OC90: variants seen among roughly 807,000 people sequenced by gnomAD.
OC90 encodes otoconin-90.
Under a neutral mutation model 47.3 loss-of-function variants are expected in OC90, and 46 were observed. The ratio of observed to expected loss-of-function variants is 0.97; its 90% CI spans 0.77 to 1.24. The LOEUF is 1.24. Ranked by LOEUF, OC90 falls within the 50% of genes most tolerant of loss-of-function variation. OC90 has a pLI of 0.00. For missense variants in OC90, 688 were observed against 583.9 expected (o/e 1.18, Z -1.84); for synonymous variants, 271 against 219.5 (o/e 1.23, Z -2.07).
chr8:132,044,780 A>G (rs1823108658), intron 3 of OC90, among the ~76,000 whole-genome samples: 1 of 152,204 alleles, frequency 6.6e-6, no homozygotes, highest in Admixed American at 6.5e-5. Flanking sequence ...CTGGTAGGAA[A>G]TCATCATCTT....
In OC90 at chr8:132,034,776, C is replaced by T; in HGVS notation, c.733+5G>A. 8 of 1,606,060 alleles carry T rather than the reference C, an allele frequency of 5.0e-6. No homozygotes were observed. The highest frequency in any genetic ancestry group is 6.8e-6 in the Non-Finnish European group (8 of 1,173,598). On this transcript the variant is annotated splice_donor_5th_base_variant and intron_variant, in intron 10 of 13. Transcript: ENST00000254627. ...ACATAGGCAGGTGGAGCCCAGTAGG[C>T]TTACCTGGAGGGGACGTAGCCCTAG...
At position 132,038,821 on chromosome 8, in the gene OC90, G is replaced by T. The variant is rs374731958; in HGVS notation, c.597C>A (p.Ile199=). 51 of 1,613,768 alleles carry T rather than the reference G, an allele frequency of 3.2e-5. No homozygotes were observed. The highest frequency in any genetic ancestry group is 4.2e-5 in the Non-Finnish European group (50 of 1,179,834). Residue 199 remains isoleucine, a synonymous_variant, in exon 8 of 14, where the codon ATC becomes ATA. Coordinates refer to ENST00000254627, the MANE Select transcript of OC90 (RefSeq NM_001080399.3). ...GCAGAAGTGTTGTCAAGTCTTCCTT[G>T]ATGGTTGTCTCTGAAAAGAAAACAC... The part of the protein sequence containing the change: ...FCLAQTPETT[I]KEDLTTLLPR...
chr8:132,029,843 A>G (rs149216811), intron 12 of OC90, among the ~76,000 whole-genome samples: 1 of 152,252 alleles, frequency 6.6e-6, no homozygotes, highest in Non-Finnish European at 1.5e-5. Flanking sequence ...TAAGAAACTT[A>G]TGATGACTTC....
In OC90 at chr8:132,024,403, G is replaced by A. The variant is rs1822722413; in HGVS notation, c.*78C>T. 2 of 1,180,622 alleles carry A rather than the reference G, an allele frequency of 1.7e-6. No individual in the cohort carries two copies. The highest frequency in any genetic ancestry group is 1.6e-5 in the South Asian group (1 of 63,718). The allele number at this position is 1,180,622 out of a possible 1,614,324, so 73.1% of individuals were successfully genotyped here. A position where few individuals can be genotyped will look rare whatever the true frequency, so the allele number is the denominator to read the frequency against. ...GAAGGGAAGAAGGCTCCAAGGGACA[G>A]AGGAGGCTGAGAGATAAAGAGCTGA... On this transcript the variant is annotated 3_prime_UTR_variant, in exon 14 of 14. Transcript: ENST00000254627.
chr8:132,033,284 T>G, intron 10 of OC90, 120 bp from the exon 11 acceptor site: 1 of 1,015,036 alleles, frequency 9.9e-7, no homozygotes, highest in Non-Finnish European at 1.5e-6. Flanking sequence ...AGAATGTTCC[T>G]CAAACTGGGT....
intron 6 of OC90, among the ~76,000 whole-genome samples, chr8:132,040,010 G>A (rs1364051038): frequency 1.3e-5 from 2 of 152,216 alleles, no homozygotes; most frequent in Admixed American, 6.5e-5. Flanking sequence ...GGACATTCCA[G>A]AAGGTCAGGC....
intron 13 of OC90, among the ~76,000 whole-genome samples, chr8:132,028,488 G>A (rs1822795307): frequency 2.0e-5 from 3 of 148,466 alleles, no homozygotes; most frequent in South Asian, 4.3e-4. Context: ...GTGGCCGAGT[G>A]AAACACCATC....
chr8:132,039,654 G>A (rs1823025044), intron 6 of OC90, among the ~76,000 whole-genome samples: 1 of 151,954 alleles, frequency 6.6e-6, no homozygotes, highest in African/African-American at 2.4e-5. Context: ...TCCTTCTCAG[G>A]CCACATCCTC....
chr8:132,032,078 G>C lies in OC90; in HGVS notation c.860-26C>G, dbSNP rs748933640. The C allele has an allele frequency of 3.1e-6, 5 of 1,607,948 alleles. No homozygotes were observed. The East Asian group carries it at 6.7e-5, about 22-fold the overall frequency. ...CTGAAAGGAACAGGAATTGTCAGGA[G>C]AGCAAGGACTGTCGGGGCAGCTGTC... is the stretch of plus-strand genomic sequence containing the variant. On this transcript the variant is annotated intron_variant, in intron 11 of 13. Coordinates refer to ENST00000254627, the MANE Select transcript of OC90 (RefSeq NM_001080399.3).
At chr8:132,029,606 G>T (rs534563634) in intron 12 of OC90, among the ~76,000 whole-genome samples, 7 of 152,092 alleles carry the variant, frequency 4.6e-5, no homozygotes, top group Non-Finnish European at 1.0e-4. Context: ...TGACACAGAG[G>T]AGTTAATCTC....
intron 1 of OC90, among the ~76,000 whole-genome samples, chr8:132,058,567 T>A (rs574374305): frequency 6.6e-6 from 1 of 152,296 alleles, no homozygotes; most frequent in African/African-American, 2.4e-5. Context: ...AGGCTCTGCC[T>A]TTTGCTTGTC....
rs866218454 is a variant in OC90, at chr8:132,037,505, C to T, written c.629-17G>A. 15 of 1,568,446 alleles carry T rather than the reference C, an allele frequency of 9.6e-6. No individual in the cohort carries two copies. The highest frequency in any genetic ancestry group is 1.2e-5 in the Non-Finnish European group (14 of 1,155,528). ...CAGGAACCACTGGAAAAAGAGAGTT[C>T]CCAATAGCAGTGACTCATGCAACAC... On this transcript the variant is annotated splice_polypyrimidine_tract_variant and intron_variant, in intron 8 of 13. Transcript: ENST00000254627.
intron 13 of OC90, among the ~76,000 whole-genome samples, chr8:132,025,303 AAAC>A (rs1246935411): frequency 6.6e-6 from 1 of 152,204 alleles, no homozygotes; most frequent in Non-Finnish European, 1.5e-5. Context: ...ATTTCCTAAC[AAAC>A]AAGAGATACC....
chr8:132,044,887 A>G (rs1039005950), intron 3 of OC90, among the ~76,000 whole-genome samples: 1 of 152,330 alleles, frequency 6.6e-6, no homozygotes, highest in African/African-American at 2.4e-5. Flanking sequence ...ACTGATTCCT[A>G]TGGAGAATGA....
rs1160803829 is a variant in OC90, at chr8:132,055,012, G to A, written c.15C>T (p.Leu5=). 1 of 1,551,376 alleles carries A rather than the reference G, an allele frequency of 6.4e-7. No homozygotes were observed. Among genetic ancestry groups the A allele is most frequent in the African/African-American group, 1.4e-5 (1 of 72,970 alleles). The change falls in exon 2 of 14, where the codon CTC becomes CTT. Residue 5 remains leucine (L), a synonymous_variant. Coordinates refer to ENST00000254627, the MANE Select transcript of OC90 (RefSeq NM_001080399.3). The part of the protein sequence containing the change: MIAF[L]LTSVLMIPHA... The stretch of plus-strand genomic sequence containing the variant: ...GGGGGATCATCAGCACACTGGTGAG[G>A]AGAAACGCAATCATAGCAGGAGAAC...
chr8:132,028,686 G>GAGAAAGAA (rs71306366), intron 13 of OC90, among the ~76,000 whole-genome samples: 23 of 127,094 alleles, frequency 1.8e-4, no homozygotes, highest in African/African-American at 3.3e-4. Flanking sequence ...AAGAAAGAAA[G>GAGAAAGAA]AGAAAGAAAG....
intron 9 of OC90, among the ~76,000 whole-genome samples, chr8:132,036,005 T>G (rs761145918): frequency 6.6e-6 from 1 of 152,236 alleles, no homozygotes; most frequent in Non-Finnish European, 1.5e-5. Context: ...TGCTTATTAA[T>G]AAAGGATCCA....
At chr8:132,057,675 AAAGT>A (rs1226838859) in intron 1 of OC90, among the ~76,000 whole-genome samples, 2 of 152,240 alleles carry the variant, frequency 1.3e-5, no homozygotes, top group African/African-American at 4.8e-5. Flanking sequence ...AACTTTTTAA[AAAGT>A]AAGTAATAAT....
chr8:132,045,233 G>T (rs189093982), intron 3 of OC90, among the ~76,000 whole-genome samples: 9 of 152,160 alleles, frequency 5.9e-5, no homozygotes, highest in Admixed American at 4.6e-4. Context: ...ATGGACTCAC[G>T]CATGAATAAT....
Sources: allele counts gnomAD v4.1 joint callset (sites outside exome capture counted in the v4.1 genomes callset), GRCh38; gene constraint gnomAD v4.1.1; transcripts MANE v1.5; gene names NCBI Gene and HGNC (gene_info 2026-07-23, HGNC 2026-07-21).